Variants in RHPN1 observed in about 807,000 individuals in gnomAD.
RHPN1 encodes the protein rhophilin Rho GTPase binding protein 1.
A neutral mutation model predicts 74.7 loss-of-function variants in RHPN1; 77 were observed. The observed-to-expected ratio is 1.03, with a 90% CI of 0.86 to 1.25. The LOEUF is 1.25. Ranked by LOEUF, RHPN1 falls within the 50% of genes most tolerant of loss-of-function variation. The pLI is 0.00. For synonymous variants in RHPN1, 444 were observed against 414.5 expected (o/e 1.07, Z -0.87); for missense variants, 987 against 932.2 (o/e 1.06, Z -0.77).
At chr8:143,367,191 G>A (rs1470217214), upstream of RHPN1, 1 of 152,106 alleles carries the variant, frequency 6.6e-6, no homozygotes, top group Non-Finnish European at 1.5e-5. Flanking sequence ...CAAAAGGCCA[G>A]GAGAAAGAAA....
chr8:143,380,565 GAC>G lies in RHPN1; in HGVS notation c.1217-22_1217-21del, dbSNP rs1406703544. The G allele has an allele frequency of 6.8e-6, 10 of 1,469,656 alleles. No individual in the cohort carries two copies. In the Admixed American group the frequency reaches 2.1e-4, roughly 31 times the overall value. 91.0% of individuals were successfully genotyped at this position (1,469,656 alleles called of 1,614,324 possible). On this transcript the variant is annotated intron_variant, in intron 10 of 14. Transcript: ENST00000289013. Reference sequence around the variant, plus strand: ...GGGCCCACGGGCCCACATGGTGTGTGACATCCCAGTGCCCCGCGTGCAGGCAA... The same window carrying G: ...GGGCCCACGGGCCCACATGGTGTGTGATCCCAGTGCCCCGCGTGCAGGCAA...
chr8:143,376,409 C>T (rs1818220262), intron 2 of RHPN1, 116 bp from the exon 3 acceptor site: 1 of 1,460,206 alleles, frequency 6.8e-7, no homozygotes. Flanking sequence ...TCAGCGACGT[C>T]CTCTGCAGGG....
chr8:143,378,232 A>G (rs1818416439), intron 4 of RHPN1, 37 bp from the exon 5 acceptor site: 1 of 1,515,240 alleles, frequency 6.6e-7, no homozygotes, highest in South Asian at 1.2e-5. Flanking sequence ...GGCCAGGCAC[A>G]GGGGTACTGT....
rs1818163903 is a variant in RHPN1, at chr8:143,375,645, G to T, written c.153G>T (p.Arg51=). Residue 51 remains arginine (R), a synonymous_variant, in exon 2 of 15, where the codon CGG becomes CGT. Coordinates refer to ENST00000289013, the MANE Select transcript of RHPN1 (RefSeq NM_052924.3). ...HQQIDKELQM[R]TGAENLYRAT... is the part of the protein sequence containing the mutation. The stretch of plus-strand genomic sequence containing the variant: ...AGATTGACAAGGAGCTGCAGATGCG[G>T]ACGGGCGCTGAGAACCTCTACAGGT... 1.2e-6 allele frequency: 2 copies of T among 1,608,342 alleles called. No homozygotes were observed. Among genetic ancestry groups the T allele is most frequent in the Admixed American group, 1.7e-5 (1 of 58,986 alleles).
At chr8:143,371,046 GC>G (rs1817787147) in intron 1 of RHPN1, among the ~76,000 whole-genome samples, 1 of 152,150 alleles carries the variant, frequency 6.6e-6, no homozygotes, top group African/African-American at 2.4e-5. Flanking sequence ...AGGTTCCCAG[GC>G]CCCTGCCCAG....
intron 4 of RHPN1, among the ~76,000 whole-genome samples, chr8:143,378,048 C>T (rs1483019083): frequency 6.6e-6 from 1 of 152,202 alleles, no homozygotes; most frequent in African/African-American, 2.4e-5. Flanking sequence ...GGGCTCCGAC[C>T]CGCATCAACC....
At chr8:143,378,445 A>G (rs1424915586) in intron 5 of RHPN1, 99 bp downstream of exon 5, 2 of 1,101,710 alleles carry the variant, frequency 1.8e-6, no homozygotes, top group African/African-American at 3.2e-5. Flanking sequence ...CTCAGCGTAG[A>G]CATCTCGAGG....
intron 8 of RHPN1, 44 bp downstream of exon 8, chr8:143,379,552 G>A: frequency 6.6e-7 from 1 of 1,506,164 alleles, no homozygotes; most frequent in East Asian, 2.5e-5. Flanking sequence ...GTGGGGCCGA[G>A]CTGGGGTCAG....
At chr8:143,379,731 C>A in intron 8 of RHPN1, 98 bp from the exon 9 acceptor site, 1 of 1,476,600 alleles carries the variant, frequency 6.8e-7, no homozygotes. Context: ...AGGGAGGCTG[C>A]TGGGATGGTG....
Position 143,378,356 on chromosome 8 carries a change from T to TCGGGGGGGC in RHPN1, c.459+11_459+12insGGGGGGGCC. 1 of 1,525,434 alleles carries TCGGGGGGGC rather than the reference T, an allele frequency of 6.6e-7. No individual in the cohort carries two copies. The highest frequency in any genetic ancestry group is 8.8e-7 in the Non-Finnish European group (1 of 1,136,344). The allele number at this position is 1,525,434 out of a possible 1,614,324, so 94.5% of individuals were successfully genotyped here. On this transcript the variant is annotated intron_variant, in intron 5 of 14. Transcript: ENST00000289013. ...GGAGGCCCTGCGGCAGGTGTGTGGT[T>TCGGGGGGGC]CCCCCGCCCACCCACCCTCCTGCAG...
intron 1 of RHPN1, among the ~76,000 whole-genome samples, chr8:143,374,701 G>A (rs1443467977): frequency 6.6e-6 from 1 of 152,226 alleles, no homozygotes; most frequent in Non-Finnish European, 1.5e-5. Context: ...TGGTGAGAGG[G>A]AGGGACACGT....
At chr8:143,378,382 C>T (rs952267678) in intron 5 of RHPN1, 36 bp downstream of exon 5, 1 of 1,435,420 alleles carries the variant, frequency 7.0e-7, no homozygotes, top group Non-Finnish European at 9.5e-7. Context: ...CCTCCTGCAG[C>T]CCTGGGAGAC....
intron 12 of RHPN1, 27 bp downstream of exon 12, chr8:143,381,371 C>A: frequency 6.3e-7 from 1 of 1,588,338 alleles, no homozygotes; most frequent in Admixed American, 1.8e-5. Flanking sequence ...CCAGGCACCG[C>A]CCAGCATGGG....
At position 143,381,261 on chromosome 8, in the gene RHPN1, C is replaced by T. The variant is rs1423422117; in HGVS notation, c.1412-7C>T. 6.2e-7 allele frequency: 1 copy of T among 1,611,578 alleles called. No homozygotes were observed. The highest frequency in any genetic ancestry group is 8.5e-7 in the Non-Finnish European group (1 of 1,178,614). ...CCCAGCTTAGCTCTGCTCTTACACC[C>T]TCTCAGCTAAGACCCACCAGAAGCC... On this transcript the variant is annotated splice_polypyrimidine_tract_variant and splice_region_variant and intron_variant, in intron 11 of 14. Transcript: ENST00000289013.
At chr8:143,364,856 T>A (rs1586793101), upstream of RHPN1, among the ~76,000 whole-genome samples, 1 of 152,196 alleles carries the variant, frequency 6.6e-6, no homozygotes, top group African/African-American at 2.4e-5. This position sits in a 1 kb window ranked among gnomAD's most constrained non-coding sequence, Gnocchi z 4.5. Context: ...TCCTGTTGCC[T>A]CCACAGATGA....
Position 143,380,103 on chromosome 8 carries a change from C to G in RHPN1, c.1144C>G (p.Leu382Val), listed in dbSNP as rs1010508786. The change falls in exon 10 of 15, where the codon CTG becomes GTG. Residue 382 changes from leucine to valine, a missense_variant. By Grantham distance (32) the Leu-to-Val change is conservative. Coordinates refer to ENST00000289013, the MANE Select transcript of RHPN1 (RefSeq NM_052924.3). ...GCTCCCCACGCACGAGCAGGTCTTC[C>G]TGCAGCCCCCCACCTCCTCTAAGCC... ...GELPTHEQVFLQPPTSSKPRG... is the reference protein window; with the variant it reads ...GELPTHEQVFVQPPTSSKPRG... 2 of 1,552,850 alleles carry G rather than the reference C, an allele frequency of 1.3e-6. No individual in the cohort carries two copies. The highest frequency in any genetic ancestry group is 1.7e-6 in the Non-Finnish European group (2 of 1,149,406).
chr8:143,365,502 G>A (rs915039903), upstream of RHPN1, among the ~76,000 whole-genome samples: 1 of 152,212 alleles, frequency 6.6e-6, no homozygotes, highest in Admixed American at 6.5e-5. Context: ...AGAAGCTGGC[G>A]CTGTGAGGAG....
At chr8:143,376,817 T>A (rs1818265460) in intron 3 of RHPN1, among the ~76,000 whole-genome samples, 164 bp downstream of exon 3, 1 of 139,080 alleles carries the variant, frequency 7.2e-6, no homozygotes, top group Admixed American at 6.8e-5. Context: ...CGCGTGTGTC[T>A]GTGTGCATGT....
At chr8:143,377,534 C>A in intron 4 of RHPN1, 79 bp downstream of exon 4, 1 of 1,005,898 alleles carries the variant, frequency 9.9e-7, no homozygotes, top group Non-Finnish European at 1.5e-6. Flanking sequence ...TCTGGTCCAG[C>A]TGTCTGGTTG....
Sources: allele counts gnomAD v4.1 joint callset (sites outside exome capture counted in the v4.1 genomes callset), GRCh38; gene constraint gnomAD v4.1.1; non-coding constraint Gnocchi (gnomAD v3.1); transcripts MANE v1.5; gene names NCBI Gene and HGNC (gene_info 2026-07-23, HGNC 2026-07-21).